EYS: variants seen among roughly 807,000 people sequenced by gnomAD.
EYS encodes protein eyes shut homolog.
In EYS, 250 loss-of-function variants were observed where a neutral mutation model predicts 282.1. That is an observed-to-expected ratio of 0.89 (90% CI 0.80 to 0.98). The LOEUF (loss-of-function observed/expected upper bound fraction) is 0.98, where lower values mean the gene tolerates loss of function less well. EYS is among the 50% of genes least tolerant of loss of function. The pLI, the probability that EYS is intolerant of heterozygous loss-of-function variation, is 0.00. For synonymous variants in EYS, 1,355 were observed against 1,282.9 expected, an observed-to-expected ratio of 1.06 and a Z score of -1.20; for missense variants, 4,016 against 3,709.0, an observed-to-expected ratio of 1.08 and a Z score of -2.15.
At chr6:64,345,287 C>T (rs1046897058) in intron 29 of EYS, among the ~76,000 whole-genome samples, 15 of 152,138 alleles carry the variant, frequency 9.9e-5, no homozygotes, top group Non-Finnish European at 2.1e-4. Flanking sequence ...ATCATGCTAC[C>T]TGACTTCAAA....
At chr6:63,921,945 A>G (rs190895527) in intron 35 of EYS, among the ~76,000 whole-genome samples, 1 of 152,314 alleles carries the variant, frequency 6.6e-6, no homozygotes, top group East Asian at 1.9e-4. Context: ...TCGTAAGGAG[A>G]TAAAGTTAAA....
rs549256496 is a variant in EYS at position 65,689,932 on chromosome 6, C to T, written c.-448+17203G>A. ...GTGAAAGCTGGGTCCAGGGGGGTCA[C>T]CGCATTCTGGTCCCGCAGTACCAAC... is the stretch of plus-strand genomic sequence containing the variant. On this transcript the variant is annotated intron_variant, in intron 1 of 42. Coordinates refer to ENST00000503581, the MANE Select transcript of EYS (RefSeq NM_001142800.2). Among the ~76,000 whole-genome samples the T allele has an allele frequency of 1.6e-3, 244 of 149,758 alleles. 6 individuals carry two copies. Among genetic ancestry groups the T allele is most frequent in the African/African-American group, 5.7e-3 (234 of 41,222 alleles).
intron 12 of EYS, among the ~76,000 whole-genome samples, chr6:65,291,079 C>A (rs1768511889): frequency 6.6e-6 from 1 of 151,324 alleles, no homozygotes; most frequent in African/African-American, 2.4e-5. Context: ...AGATGTAATT[C>A]TCTCTAGAAA....
At chr6:63,910,225 A>G (rs1773881002) in intron 35 of EYS, among the ~76,000 whole-genome samples, 1 of 152,186 alleles carries the variant, frequency 6.6e-6, no homozygotes, top group Non-Finnish European at 1.5e-5. Flanking sequence ...ACTTTCTCAA[A>G]TAGAATAGGC....
chr6:63,907,174 T>G (rs1268361296), intron 35 of EYS, among the ~76,000 whole-genome samples: 1 of 152,188 alleles, frequency 6.6e-6, no homozygotes, highest in Non-Finnish European at 1.5e-5. Flanking sequence ...TTGTTACCTT[T>G]TCTTTCAGGC....
At chr6:64,131,927 G>C (rs762501238) in intron 31 of EYS, among the ~76,000 whole-genome samples, 1 of 152,062 alleles carries the variant, frequency 6.6e-6, no homozygotes, top group African/African-American at 2.4e-5. Flanking sequence ...AACTATGTAT[G>C]GTGAAGGACT....
rs568982458 is a variant in EYS, at chr6:65,528,740, CCAAT to C, written c.-332-32751_-332-32748del. Among the ~76,000 whole-genome samples, 27 of 152,236 alleles carry C rather than the reference CCAAT, an allele frequency of 1.8e-4. No individual in the cohort carries two copies. In the South Asian group the frequency reaches 5.6e-3, roughly 32 times the overall value. On this transcript the variant is annotated intron_variant, in intron 2 of 42. Coordinates refer to ENST00000503581, the MANE Select transcript of EYS (RefSeq NM_001142800.2). ...AGCACAAAACGGACTAAGACACTAA[CCAAT>C]CAATTGGGGAAATTTATTTACATAT...
At chr6:63,730,892 G>A (rs1033114917) in intron 41 of EYS, among the ~76,000 whole-genome samples, 11 of 152,072 alleles carry the variant, frequency 7.2e-5, no homozygotes, top group Admixed American at 1.3e-4. Flanking sequence ...ATGGTGGTGC[G>A]CACCTGTAGC....
chr6:65,385,929 A>G (rs1170715153), intron 7 of EYS, among the ~76,000 whole-genome samples: 17 of 151,936 alleles, frequency 1.1e-4, no homozygotes, highest in African/African-American at 3.9e-4. Flanking sequence ...GAGCTTTAGC[A>G]TATCCTAAAA....
At chr6:64,305,183 C>A (rs926427103) in intron 30 of EYS, among the ~76,000 whole-genome samples, 2 of 152,124 alleles carry the variant, frequency 1.3e-5, no homozygotes, top group Admixed American at 1.3e-4. Flanking sequence ...GGTAGAAATG[C>A]AGTTTACTTT....
rs567442394 is a variant in EYS, at chr6:65,633,059, T to C, written c.-333+6719A>G. ...AATAGTAAATGAGAAGTCAAAAAGGTTGGCTCATATAAAGATACTATATAA... is the reference window on the plus strand; with the variant it reads ...AATAGTAAATGAGAAGTCAAAAAGGCTGGCTCATATAAAGATACTATATAA... On this transcript the variant is annotated intron_variant, in intron 2 of 42. Coordinates refer to ENST00000503581, the MANE Select transcript of EYS (RefSeq NM_001142800.2). 2.0e-5 allele frequency among the ~76,000 whole-genome samples: 3 copies of C among 152,288 alleles called. No individual in the cohort carries two copies. In the South Asian group the frequency reaches 6.2e-4, roughly 32 times the overall value.
chr6:65,024,390 A>C (rs939065588), intron 13 of EYS, among the ~76,000 whole-genome samples: 1 of 152,198 alleles, frequency 6.6e-6, no homozygotes, highest in Non-Finnish European at 1.5e-5. Flanking sequence ...TATTGTAGTC[A>C]TTCCCATTCT....
chr6:64,233,333 T>A (rs1318557184), intron 30 of EYS, among the ~76,000 whole-genome samples: 2 of 152,214 alleles, frequency 1.3e-5, no homozygotes, highest in Non-Finnish European at 2.9e-5. Context: ...CTTTCAGTTT[T>A]ATTTTTGGAA....
chr6:65,237,678 T>C (rs1223103203), intron 12 of EYS, among the ~76,000 whole-genome samples: 11 of 152,266 alleles, frequency 7.2e-5, no homozygotes, highest in Middle Eastern at 3.4e-3. Flanking sequence ...ACGATTCTGA[T>C]AAATAATGGT....
At chr6:65,611,588 CAG>C (rs1235778635) in intron 2 of EYS, among the ~76,000 whole-genome samples, 3 of 151,910 alleles carry the variant, frequency 2.0e-5, no homozygotes, top group Admixed American at 1.3e-4. Flanking sequence ...ATTGATTGAT[CAG>C]AGACAGTTAA....
intron 2 of EYS, among the ~76,000 whole-genome samples, chr6:65,526,373 A>G (rs542167456): frequency 6.6e-6 from 1 of 152,302 alleles, no homozygotes; most frequent in South Asian, 2.1e-4. Flanking sequence ...GGTCCGAAAT[A>G]TCTTAGAATA....
intron 1 of EYS, among the ~76,000 whole-genome samples, chr6:65,641,800 C>T (rs563601713): frequency 6.6e-6 from 1 of 151,994 alleles, no homozygotes; most frequent in Non-Finnish European, 1.5e-5. Flanking sequence ...ATTTTATTTC[C>T]CTGTTTCTGT....
intron 2 of EYS, among the ~76,000 whole-genome samples, chr6:65,613,925 A>T (rs1346726449): frequency 6.6e-6 from 1 of 151,956 alleles, no homozygotes; most frequent in African/African-American, 2.4e-5. Flanking sequence ...ATTATGAAAT[A>T]AAAGAGCCTA....
chr6:65,403,441 A>G (rs1766595034), intron 6 of EYS, among the ~76,000 whole-genome samples: 1 of 151,736 alleles, frequency 6.6e-6, no homozygotes, highest in African/African-American at 2.4e-5. Context: ...TCATTATCAT[A>G]TTTATCTGAA....
Sources: allele counts gnomAD v4.1 joint callset (sites outside exome capture counted in the v4.1 genomes callset), GRCh38; gene constraint gnomAD v4.1.1; transcripts MANE v1.5; gene names NCBI Gene and HGNC (gene_info 2026-07-23, HGNC 2026-07-21).